The following TMEM154 variants were observed in gnomAD, a reference collection of about 807,000 sequenced individuals.
TMEM154 encodes transmembrane protein 154.
A neutral mutation model predicts 24.5 loss-of-function variants in TMEM154; 27 were observed. That is an observed-to-expected ratio of 1.10 (90% CI 0.81 to 1.52). The LOEUF is 1.52. Ranked by LOEUF, TMEM154 falls within the 40% of genes most tolerant of loss-of-function variation. TMEM154 has a pLI of 0.00. For synonymous variants in TMEM154, 67 were observed against 76.8 expected (o/e 0.87, Z 0.67); for missense variants, 228 against 213.4 (o/e 1.07, Z -0.43).
At chr4:152,628,929 G>A (rs1751978831) in intron 6 of TMEM154, among the ~76,000 whole-genome samples, 1 of 151,954 alleles carries the variant, frequency 6.6e-6, no homozygotes. Flanking sequence ...ACAGGTGTGA[G>A]CCACTGCACC....
chr4:152,643,195 C>T (rs1162904658), intron 4 of TMEM154, 22 bp from the exon 5 acceptor site: 1 of 1,538,976 alleles, frequency 6.5e-7, no homozygotes. Context: ...GAGCAAAAGA[C>T]TTGTTAGAAA....
intron 1 of TMEM154, among the ~76,000 whole-genome samples, chr4:152,661,291 TCTCTCTCTCTCTCTC>T (rs1561054947): frequency 0.013 from 708 of 56,556 alleles, 11 homozygotes; most frequent in African/African-American, 0.038. Context: ...TCTTTCTCTC[TCTCTCTCTCTCTCTC>T]TCTCTCTCTC....
rs779861883 is a variant in TMEM154 at position 152,679,872 on chromosome 4, C to A, written c.62G>T (p.Arg21Leu). ...AGTAGGAAGTGGAGGCGGCTTACCC[C>A]GGCCGACGGGAACGAGCGCGATCAC... ...ALVIALVPVG[R>L]GNYEELENSG... The change falls in exon 1 of 7, where the codon CGG becomes CTG. Residue 21 changes from arginine (R) to leucine (L), a missense_variant and splice_region_variant. Physicochemically the swap from Arg to Leu is moderately radical, Grantham distance 102. Coordinates refer to ENST00000304385, the MANE Select transcript of TMEM154 (RefSeq NM_152680.3). The A allele has an allele frequency of 1.2e-6, 2 of 1,608,072 alleles. No individual in the cohort carries two copies. Among genetic ancestry groups the A allele is most frequent in the Non-Finnish European group, 1.7e-6 (2 of 1,177,966 alleles).
intron 1 of TMEM154, chr4:152,669,928 CTG>C (rs1335538146): frequency 2.6e-5 from 4 of 152,202 alleles, no homozygotes; most frequent in Non-Finnish European, 4.4e-5. Flanking sequence ...GGAAATATTT[CTG>C]TGTTTTCCTC....
intron 1 of TMEM154, among the ~76,000 whole-genome samples, chr4:152,670,949 A>G (rs1728823021): frequency 6.6e-6 from 1 of 152,194 alleles, no homozygotes; most frequent in African/African-American, 2.4e-5. Flanking sequence ...ATGGCATGCA[A>G]ATCGGTAATT....
At chr4:152,656,247 A>G (rs944549983) in intron 1 of TMEM154, among the ~76,000 whole-genome samples, 2 of 152,106 alleles carry the variant, frequency 1.3e-5, no homozygotes, top group African/African-American at 4.8e-5. Context: ...CTGGCTAACC[A>G]CTACCATTTC....
At position 152,628,581 on chromosome 4, in the gene TMEM154, AAAAAAAAAAAACAAAAAAAAC is replaced by A; in HGVS notation, c.537-41_537-21del. 6.4e-6 allele frequency: 7 copies of A among 1,100,890 alleles called. No individual in the cohort carries two copies. The highest frequency in any genetic ancestry group is 7.1e-6 in the Non-Finnish European group (6 of 842,586). 68.2% of individuals were successfully genotyped at this position (1,100,890 alleles called of 1,614,324 possible). On this transcript the variant is annotated intron_variant, in intron 6 of 6. Transcript: ENST00000304385. Reference sequence around the variant, plus strand: ...CTGTCACTGTAAAAAAAAAAAAAAAAAAAAAAAAAAACAAAAAAAACACACACACACACACAAAACAGTAAT... The same window carrying A: ...CTGTCACTGTAAAAAAAAAAAAAAAAACACACACACACACAAAACAGTAAT...
chr4:152,647,593 TA>T (rs777598898), intron 3 of TMEM154, among the ~76,000 whole-genome samples: 9 of 152,230 alleles, frequency 5.9e-5, no homozygotes, highest in Non-Finnish European at 1.3e-4. Context: ...CAATTTTTAG[TA>T]AGGATAATGT....
At chr4:152,661,517 T>G (rs763650742) in intron 1 of TMEM154, among the ~76,000 whole-genome samples, 1 of 152,190 alleles carries the variant, frequency 6.6e-6, no homozygotes, top group Non-Finnish European at 1.5e-5. Flanking sequence ...GCCCTTGCCC[T>G]GGGGTGCAAT....
At chr4:152,662,643 A>G (rs1290481905) in intron 1 of TMEM154, among the ~76,000 whole-genome samples, 1 of 152,176 alleles carries the variant, frequency 6.6e-6, no homozygotes, top group Non-Finnish European at 1.5e-5. Context: ...CCCATGGCCT[A>G]TGGGTTAACA....
chr4:152,679,072 A>G (rs1292631060), intron 1 of TMEM154, among the ~76,000 whole-genome samples: 3 of 152,260 alleles, frequency 2.0e-5, no homozygotes, highest in Non-Finnish European at 4.4e-5. Context: ...GCCCAAAGGC[A>G]AGTCAACAAG....
chr4:152,672,624 T>C (rs1728870830), intron 1 of TMEM154, among the ~76,000 whole-genome samples: 1 of 151,774 alleles, frequency 6.6e-6, no homozygotes, highest in Non-Finnish European at 1.5e-5. Context: ...AAACTGAGAG[T>C]GTATTGACCA....
chr4:152,632,992 C>T (rs956319979), intron 6 of TMEM154, among the ~76,000 whole-genome samples: 3 of 152,010 alleles, frequency 2.0e-5, no homozygotes, highest in African/African-American at 7.2e-5. Flanking sequence ...TGTTAGTAAT[C>T]CTTATTTTGC....
At position 152,626,193 on chromosome 4, in the gene TMEM154, A is replaced by T. The variant is rs1257649350; in HGVS notation, c.*2353T>A. On this transcript the variant is annotated 3_prime_UTR_variant, in exon 7 of 7. Transcript: ENST00000304385. ...ATGTTGTTGTTAACCTAGTTTGCTT[A>T]AAATGTACGAAAATGCAATCAAACT... 1 of 152,672 alleles carries T rather than the reference A, an allele frequency of 6.5e-6. No homozygotes were observed. Among genetic ancestry groups the T allele is most frequent in the Non-Finnish European group, 1.5e-5 (1 of 68,052 alleles). 9.5% of individuals were successfully genotyped at this position (152,672 alleles called of 1,614,324 possible).
intron 6 of TMEM154, among the ~76,000 whole-genome samples, chr4:152,640,464 T>C (rs926722194): frequency 1.3e-5 from 2 of 152,176 alleles, no homozygotes; most frequent in East Asian, 3.8e-4. Flanking sequence ...CACTAAAATT[T>C]TTCTATCAAC....
chr4:152,632,417 TC>T (rs915945421), intron 6 of TMEM154, among the ~76,000 whole-genome samples: 70 of 152,350 alleles, frequency 4.6e-4, no homozygotes, highest in African/African-American at 1.7e-3. Context: ...CCCTGTGAAG[TC>T]CCCACCCTTA....
chr4:152,631,640 A>C (rs1013107832), intron 6 of TMEM154, among the ~76,000 whole-genome samples: 1 of 151,856 alleles, frequency 6.6e-6, no homozygotes, highest in African/African-American at 2.4e-5. Context: ...CATGTTGTCT[A>C]GGCTGGTCTC....
intron 6 of TMEM154, among the ~76,000 whole-genome samples, chr4:152,630,861 A>T (rs1752025764): frequency 1.3e-5 from 2 of 152,286 alleles, no homozygotes; most frequent in South Asian, 4.1e-4. Flanking sequence ...ATCATATTTT[A>T]TATATTGTTC....
chr4:152,652,627 G>A (rs374331772), intron 2 of TMEM154, 40 bp downstream of exon 2: 2 of 1,613,262 alleles, frequency 1.2e-6, no homozygotes, highest in African/African-American at 2.7e-5. Flanking sequence ...ACTAACACAT[G>A]AAGCAATTTT....
Sources: gnomAD v4.1 joint callset for allele counts (sites outside exome capture counted in the v4.1 genomes callset) on GRCh38, gnomAD v4.1.1 for gene constraint, MANE v1.5 for transcripts, NCBI Gene and HGNC (gene_info 2026-07-23, HGNC 2026-07-21) for gene names.